The following DOCK4 variants were observed in gnomAD, a reference collection of about 807,000 sequenced individuals.
The protein encoded by DOCK4 is dedicator of cytokinesis protein 4.
DOCK4 carries 97 observed loss-of-function variants against 268.1 expected under a neutral mutation model. The observed-to-expected ratio is 0.36, with a 90% CI of 0.31 to 0.43. The LOEUF (loss-of-function observed/expected upper bound fraction) is 0.43, where lower values mean the gene tolerates loss of function less well. Among genes scored for constraint, DOCK4 ranks in the 20% least tolerant of loss-of-function variants. The pLI is 1.00. For missense variants in DOCK4, 2,145 were observed against 2,455.7 expected (o/e 0.87, Z 2.67); for synonymous variants, 954 against 887.2 (o/e 1.08, Z -1.34).
intron 23 of DOCK4, among the ~76,000 whole-genome samples, chr7:111,854,437 A>T (rs375200112): frequency 1.4e-4 from 21 of 152,324 alleles, no homozygotes; most frequent in African/African-American, 5.1e-4. Flanking sequence ...GAGGGACAGG[A>T]ATTGCTCACT....
chr7:112,049,234 C>T (rs905611518), intron 1 of DOCK4, among the ~76,000 whole-genome samples: 2 of 151,870 alleles, frequency 1.3e-5, no homozygotes, highest in East Asian at 3.9e-4. Context: ...ATACAGTGTA[C>T]GACAGTACCA....
chr7:112,106,070 T>G (rs1319873825), intron 1 of DOCK4, among the ~76,000 whole-genome samples: 1 of 152,176 alleles, frequency 6.6e-6, no homozygotes, highest in Non-Finnish European at 1.5e-5. Context: ...GGCTGTTCCT[T>G]TTGTGGCTTG....
intron 13 of DOCK4, among the ~76,000 whole-genome samples, chr7:111,902,441 G>A (rs1397447121): frequency 6.6e-6 from 1 of 152,244 alleles, no homozygotes; most frequent in East Asian, 1.9e-4. Flanking sequence ...CATATATACT[G>A]TCGATTTTTT....
chr7:111,983,599 G>A (rs940454293), intron 7 of DOCK4, among the ~76,000 whole-genome samples: 6 of 152,004 alleles, frequency 3.9e-5, no homozygotes, highest in Non-Finnish European at 1.5e-5. Flanking sequence ...ACCAGACTTG[G>A]GGAACCTGGA....
In DOCK4 at chr7:111,999,397, G is replaced by A. The variant is rs554426474; in HGVS notation, c.163-894C>T. On this transcript the variant is annotated intron_variant, in intron 3 of 52. Coordinates refer to ENST00000428084, the MANE Select transcript of DOCK4 (RefSeq NM_001363540.2). The stretch of plus-strand genomic sequence containing the variant: ...GCACTTGTTTTCTTCAATATGGTAG[G>A]ATCAACAAATAGAGTAATTCTAACT... Among the ~76,000 whole-genome samples the A allele has an allele frequency of 2.7e-3, 414 of 151,998 alleles. 3 individuals carry two copies. Among genetic ancestry groups the A allele is most frequent in the Non-Finnish European group, 3.3e-3 (221 of 67,918 alleles).
intron 36 of DOCK4, among the ~76,000 whole-genome samples, chr7:111,772,764 C>A (rs1455852794): frequency 5.9e-5 from 9 of 152,264 alleles, no homozygotes; most frequent in East Asian, 1.9e-4. Context: ...CCATTGCACT[C>A]CAGCCTGGGC....
At chr7:111,817,343 TG>T (rs1801631082) in intron 27 of DOCK4, among the ~76,000 whole-genome samples, 1 of 152,192 alleles carries the variant, frequency 6.6e-6, no homozygotes, top group African/African-American at 2.4e-5. Context: ...GCTGTGTCAA[TG>T]GATGCTCAGC....
chr7:112,202,451 T>C (rs1291530539), intron 1 of DOCK4, among the ~76,000 whole-genome samples: 1 of 152,194 alleles, frequency 6.6e-6, no homozygotes, highest in East Asian at 1.9e-4. Flanking sequence ...ACTTCAAAAG[T>C]GCTAGAATGG....
chr7:111,789,298 A>G (rs1799376387), intron 31 of DOCK4: 1 of 153,556 alleles, frequency 6.5e-6, no homozygotes, highest in African/African-American at 2.4e-5. Context: ...AGAGAGAGAA[A>G]GGACATATTT....
At chr7:111,756,193 A>G (rs2133556307) in intron 41 of DOCK4, among the ~76,000 whole-genome samples, 1 of 152,098 alleles carries the variant, frequency 6.6e-6, no homozygotes, top group Admixed American at 6.6e-5. Flanking sequence ...CTAAAAATAC[A>G]AAAAAATTAG....
intron 1 of DOCK4, among the ~76,000 whole-genome samples, chr7:112,178,191 T>C (rs1419925002): frequency 6.6e-6 from 1 of 152,248 alleles, no homozygotes. Flanking sequence ...CAGCAGTGCA[T>C]GCACTAAGAG....
chr7:111,859,963 C>T (rs1237243359), intron 23 of DOCK4, among the ~76,000 whole-genome samples: 1 of 152,114 alleles, frequency 6.6e-6, no homozygotes, highest in East Asian at 1.9e-4. Flanking sequence ...TATTATAGAT[C>T]TTTAGTTATA....
intron 35 of DOCK4, among the ~76,000 whole-genome samples, chr7:111,779,784 T>G (rs1422037494): frequency 6.6e-6 from 1 of 152,214 alleles, no homozygotes; most frequent in Admixed American, 6.5e-5. Context: ...CTCACTGAAC[T>G]TATTCAACAT....
chr7:111,815,868 G>T (rs1461063022), intron 27 of DOCK4, among the ~76,000 whole-genome samples: 3 of 151,918 alleles, frequency 2.0e-5, no homozygotes, highest in Non-Finnish European at 4.4e-5. Flanking sequence ...ATGGGGTTTT[G>T]CCATGTTGGC....
chr7:111,820,951 C>G lies in DOCK4; in HGVS notation c.2930+1411G>C, dbSNP rs1031132992. On this transcript the variant is annotated intron_variant, in intron 27 of 52. Transcript: ENST00000428084. Reference sequence around the variant, plus strand: ...AACTCCCACCTAAATCTGTAGCATGCGGACAACCAAATGAATAGATATTTG... The same window carrying G: ...AACTCCCACCTAAATCTGTAGCATGGGGACAACCAAATGAATAGATATTTG... 3.3e-5 allele frequency: 5 copies of G among 152,198 alleles called. No homozygotes were observed. The South Asian group carries it at 1.0e-3, about 32-fold the overall frequency. The allele number at this position is 152,198 out of a possible 1,614,324, so 9.4% of individuals were successfully genotyped here.
chr7:111,845,856 T>C (rs1804053995), intron 24 of DOCK4, among the ~76,000 whole-genome samples: 1 of 152,166 alleles, frequency 6.6e-6, no homozygotes, highest in Admixed American at 6.5e-5. Flanking sequence ...TCAGCAATTA[T>C]AATTTGGAAA....
At chr7:111,793,444 T>A (rs1483845863) in intron 30 of DOCK4, among the ~76,000 whole-genome samples, 1 of 152,234 alleles carries the variant, frequency 6.6e-6, no homozygotes, top group Non-Finnish European at 1.5e-5. Context: ...AGTGCTTACT[T>A]CTTTCTTGTA....
At chr7:111,744,751 TCTACAAA>T (rs1205723615) in intron 44 of DOCK4, among the ~76,000 whole-genome samples, 6 of 152,230 alleles carry the variant, frequency 3.9e-5, no homozygotes, top group Non-Finnish European at 8.8e-5. Context: ...ACTTCTAGTA[TCTACAAA>T]CACCCAGAGT....
chr7:112,117,148 T>C (rs1410994888), intron 1 of DOCK4, among the ~76,000 whole-genome samples: 1 of 152,210 alleles, frequency 6.6e-6, no homozygotes, highest in Non-Finnish European at 1.5e-5. Context: ...CACCCATTGA[T>C]ACCTGGTGTT....
Sources: gnomAD v4.1 joint callset for allele counts (sites outside exome capture counted in the v4.1 genomes callset) on GRCh38, gnomAD v4.1.1 for gene constraint, MANE v1.5 for transcripts, NCBI Gene and HGNC (gene_info 2026-07-23, HGNC 2026-07-21) for gene names.